The following RSRC1 variants were observed in gnomAD, a reference collection of about 807,000 sequenced individuals.
RSRC1 encodes the protein serine/Arginine-related protein 53.
A neutral mutation model predicts 49.1 loss-of-function variants in RSRC1; 39 were observed. The ratio of observed to expected loss-of-function variants is 0.79; its 90% CI spans 0.61 to 1.04. The LOEUF (loss-of-function observed/expected upper bound fraction) is 1.04, where lower values mean the gene tolerates loss of function less well. RSRC1 is among the 50% of genes least tolerant of loss of function. RSRC1 has a pLI of 0.00. For synonymous variants in RSRC1, 143 were observed against 130.8 expected, an observed-to-expected ratio of 1.09 and a Z score of -0.63; for missense variants, 388 against 402.4, an observed-to-expected ratio of 0.96 and a Z score of 0.31.
intron 3 of RSRC1, among the ~76,000 whole-genome samples, chr3:158,175,913 G>C (rs1357858582): frequency 1.3e-5 from 2 of 151,850 alleles, no homozygotes; most frequent in Non-Finnish European, 2.9e-5. Flanking sequence ...CCACTTTATT[G>C]AATCAGCTAT....
At chr3:158,454,903 T>A (rs1578500507) in intron 6 of RSRC1, among the ~76,000 whole-genome samples, 1 of 152,110 alleles carries the variant, frequency 6.6e-6, no homozygotes, top group Non-Finnish European at 1.5e-5. Context: ...GTCATGACTT[T>A]TAGGGGTCAG....
chr3:158,417,786 A>G (rs999933737), intron 6 of RSRC1, among the ~76,000 whole-genome samples: 1 of 150,798 alleles, frequency 6.6e-6, no homozygotes, highest in Non-Finnish European at 1.5e-5. Flanking sequence ...ATTTTATCCT[A>G]TATATTATTT....
Position 158,228,865 on chromosome 3 carries a change from A to ATGTATATAAACACATACGTGTGTATG in RSRC1, c.494+25641_494+25642insGTATGTGTATATAAACACATACGTGT, listed in dbSNP as rs1559951894. Among the ~76,000 whole-genome samples the ATGTATATAAACACATACGTGTGTATG allele has an allele frequency of 8.3e-5, 5 of 60,012 alleles. 2 individuals carry two copies. Among genetic ancestry groups the ATGTATATAAACACATACGTGTGTATG allele is most frequent in the African/African-American group, 4.1e-4 (5 of 12,290 alleles). The allele number at this position is 60,012 out of a possible 152,430, so 39.4% of individuals were successfully genotyped here. On this transcript the variant is annotated intron_variant, in intron 4 of 9. Transcript: ENST00000611884. ...TATATAAACACACATACGTGTATATATGTATATAAACACATACGTGTAATG... is the reference window on the plus strand; with the variant it reads ...TATATAAACACACATACGTGTATATATGTATATAAACACATACGTGTGTATGTGTATATAAACACATACGTGTAATG...
intron 6 of RSRC1, among the ~76,000 whole-genome samples, chr3:158,421,988 G>A (rs1458699411): frequency 2.6e-5 from 4 of 151,710 alleles, no homozygotes; most frequent in Admixed American, 2.6e-4. Context: ...CTTTTTTGAT[G>A]ATACATATGT....
intron 4 of RSRC1, among the ~76,000 whole-genome samples, chr3:158,230,674 A>G (rs1340425428): frequency 6.6e-6 from 1 of 152,180 alleles, no homozygotes; most frequent in Non-Finnish European, 1.5e-5. Flanking sequence ...GTTATGATAC[A>G]GAATTATAAT....
chr3:158,212,456 T>C (rs1721734720), intron 4 of RSRC1, among the ~76,000 whole-genome samples: 1 of 151,908 alleles, frequency 6.6e-6, no homozygotes, highest in Admixed American at 6.6e-5. Flanking sequence ...TAGCATCAGT[T>C]GTTTAAAAAA....
intron 7 of RSRC1, among the ~76,000 whole-genome samples, chr3:158,495,653 AAACTT>A (rs1210718231): frequency 6.6e-6 from 1 of 152,228 alleles, no homozygotes; most frequent in African/African-American, 2.4e-5. Context: ...GTCACTCAGA[AAACTT>A]AAGTAATTGA....
chr3:158,182,794 T>A (rs1719701256), intron 3 of RSRC1, among the ~76,000 whole-genome samples: 1 of 152,188 alleles, frequency 6.6e-6, no homozygotes, highest in Non-Finnish European at 1.5e-5. Flanking sequence ...ATTCCAACTT[T>A]TATTTCTCAT....
At chr3:158,442,517 C>G (rs993708411) in intron 6 of RSRC1, among the ~76,000 whole-genome samples, 4 of 152,072 alleles carry the variant, frequency 2.6e-5, no homozygotes, top group Non-Finnish European at 5.9e-5. Flanking sequence ...TGCTCCACTT[C>G]TAATTCTAGT....
At chr3:158,219,014 T>C (rs1722096886) in intron 4 of RSRC1, among the ~76,000 whole-genome samples, 1 of 151,508 alleles carries the variant, frequency 6.6e-6, no homozygotes, top group Non-Finnish European at 1.5e-5. Flanking sequence ...CCCACTATAC[T>C]AGGGGAGCAT....
In RSRC1 at chr3:158,164,827, A is replaced by C. The variant is rs1378117827; in HGVS notation, c.321-38245A>C. On this transcript the variant is annotated intron_variant, in intron 3 of 9. Coordinates refer to ENST00000611884, the MANE Select transcript of RSRC1 (RefSeq NM_001271838.2). ...AGGGGCCAAAGCTAAGTTTGTATAG[A>C]ATTTAAATTCACTTGGATATAGTAC... Among the ~76,000 whole-genome samples, 3 of 152,184 alleles carry C rather than the reference A, an allele frequency of 2.0e-5. No homozygotes were observed. The East Asian group carries it at 5.8e-4, about 29-fold the overall frequency.
chr3:158,210,969 G>A (rs555838475), intron 4 of RSRC1, among the ~76,000 whole-genome samples: 1 of 152,106 alleles, frequency 6.6e-6, no homozygotes, highest in East Asian at 1.9e-4. Flanking sequence ...GCTCGACTGT[G>A]AAAGCTTTAG....
At chr3:158,352,642 C>T (rs752346627) in intron 5 of RSRC1, among the ~76,000 whole-genome samples, 3 of 152,048 alleles carry the variant, frequency 2.0e-5, no homozygotes, top group Non-Finnish European at 4.4e-5. Flanking sequence ...TGAATCTGGC[C>T]CGTAAAAGTA....
chr3:158,332,327 G>A (rs935860021), intron 5 of RSRC1, among the ~76,000 whole-genome samples: 4 of 152,204 alleles, frequency 2.6e-5, no homozygotes, highest in East Asian at 1.9e-4. Context: ...TAAAACATCC[G>A]TGTTTGATCA....
chr3:158,329,944 T>C (rs1729442110), intron 5 of RSRC1, among the ~76,000 whole-genome samples: 1 of 152,188 alleles, frequency 6.6e-6, no homozygotes, highest in African/African-American at 2.4e-5. Context: ...TGGGCACCCC[T>C]CCACCAGCCT....
At chr3:158,427,847 G>A (rs1735542881) in intron 6 of RSRC1, among the ~76,000 whole-genome samples, 1 of 151,504 alleles carries the variant, frequency 6.6e-6, no homozygotes. Context: ...TCAACCACTT[G>A]CCTATTGTTG....
At chr3:158,510,881 TTTCATTAAATA>T (rs1488377846) in intron 7 of RSRC1, among the ~76,000 whole-genome samples, 1 of 152,148 alleles carries the variant, frequency 6.6e-6, no homozygotes, top group Non-Finnish European at 1.5e-5. Flanking sequence ...GTTTTTCAGG[TTTCATTAAATA>T]GATTAAGTAA....
At chr3:158,309,964 G>A (rs1728040148) in intron 5 of RSRC1, among the ~76,000 whole-genome samples, 1 of 151,458 alleles carries the variant, frequency 6.6e-6, no homozygotes, top group African/African-American at 2.4e-5. Flanking sequence ...GATATTTTAA[G>A]GTAACCTTGA....
chr3:158,200,221 G>C (rs1184073566), intron 3 of RSRC1, among the ~76,000 whole-genome samples: 3 of 152,014 alleles, frequency 2.0e-5, no homozygotes, highest in African/African-American at 4.8e-5. Context: ...GTATTTTTTA[G>C]TAGAGACAGG....
Sources: allele counts gnomAD v4.1 joint callset (sites outside exome capture counted in the v4.1 genomes callset), GRCh38; gene constraint gnomAD v4.1.1; transcripts MANE v1.5; gene names NCBI Gene and HGNC (gene_info 2026-07-23, HGNC 2026-07-21).